DOP1A: variants seen among roughly 807,000 people sequenced by gnomAD.
DOP1A encodes the protein DOP1 leucine zipper like protein A.
A neutral mutation model predicts 267.6 loss-of-function variants in DOP1A; 90 were observed. That is an observed-to-expected ratio of 0.34 (90% CI 0.28 to 0.40). The LOEUF (loss-of-function observed/expected upper bound fraction) is 0.40. DOP1A is among the 10% of genes least tolerant of loss of function. The pLI, the probability that DOP1A is intolerant of heterozygous loss-of-function variation, is 1.00. For synonymous variants in DOP1A, 932 were observed against 999.1 expected, an observed-to-expected ratio of 0.93 and a Z score of 1.27; for missense variants, 2,437 against 2,900.4, an observed-to-expected ratio of 0.84 and a Z score of 3.67.
At chr6:83,085,893 A>G (rs1769127497) in intron 1 of DOP1A, among the ~76,000 whole-genome samples, 3 of 152,092 alleles carry the variant, frequency 2.0e-5, no homozygotes. Context: ...AAGGAATGAC[A>G]TAATGTGTCT....
rs541447629 is a variant in DOP1A at position 83,139,712 on chromosome 6, T to A, written c.5121-288T>A. 9.9e-5 allele frequency among the ~76,000 whole-genome samples: 15 copies of A among 152,262 alleles called. No individual in the cohort carries two copies. In the South Asian group the frequency reaches 3.1e-3, roughly 32 times the overall value. On this transcript the variant is annotated intron_variant, in intron 21 of 38. Transcript: ENST00000349129. ...TAATAAGAAAACTGCCTGTATTGTT[T>A]AATATTAATATGCCTGCCATTCCTC...
At chr6:83,075,513 A>G (rs1225270987) in intron 1 of DOP1A, among the ~76,000 whole-genome samples, 1 of 152,234 alleles carries the variant, frequency 6.6e-6, no homozygotes, top group Non-Finnish European at 1.5e-5. Flanking sequence ...AAGGATAAGT[A>G]GGTACTTGTC....
Position 83,119,787 on chromosome 6 carries a change from C to T in DOP1A, c.920C>T (p.Thr307Ile). The T allele has an allele frequency of 6.2e-7, 1 of 1,613,122 alleles. No homozygotes were observed. Among genetic ancestry groups the T allele is most frequent in the Non-Finnish European group, 8.5e-7 (1 of 1,179,252 alleles). The change falls in exon 9 of 39, where the codon ACA becomes ATA. Residue 307 changes from threonine to isoleucine, a missense_variant. This residue lies in a region of DOP1A where 498 missense variants were observed against 513.5 expected (regional missense o/e 0.97). Coordinates refer to ENST00000349129, the MANE Select transcript of DOP1A (RefSeq NM_015018.4). ...NNGAIIGPRS[T>I]RHSNPEEHAT... ...GGTGCTATCATAGGACCCAGAAGCACAAGACACAGTAATCCTGAAGAACAT... is the reference window on the plus strand; with the variant it reads ...GGTGCTATCATAGGACCCAGAAGCATAAGACACAGTAATCCTGAAGAACAT...
At chr6:83,076,243 G>A (rs748586133) in intron 1 of DOP1A, among the ~76,000 whole-genome samples, 2 of 152,204 alleles carry the variant, frequency 1.3e-5, no homozygotes, top group African/African-American at 2.4e-5. Context: ...AGATATTGAG[G>A]CCGGGTGTGG....
chr6:83,169,539 G>A, downstream of DOP1A: 1 of 560,294 alleles, frequency 1.8e-6, no homozygotes, highest in Non-Finnish European at 3.2e-6. Flanking sequence ...AATAAGGTAA[G>A]TTTTTAATCA....
At chr6:83,087,432 T>G in intron 1 of DOP1A, among the ~76,000 whole-genome samples, 1 of 151,922 alleles carries the variant, frequency 6.6e-6, no homozygotes, top group East Asian at 1.9e-4. Context: ...AAAAAAAACA[T>G]GTAGTTGAGT....
At chr6:83,085,246 C>G (rs1200918942) in intron 1 of DOP1A, among the ~76,000 whole-genome samples, 1 of 152,052 alleles carries the variant, frequency 6.6e-6, no homozygotes, top group African/African-American at 2.4e-5. Flanking sequence ...TATTTGAGGC[C>G]CTACTGTTTA....
Position 83,109,036 on chromosome 6 carries a change from T to C in DOP1A, c.447T>C (p.Thr149=), listed in dbSNP as rs1182538198. Residue 149 remains threonine (T), a synonymous_variant, in exon 5 of 39, where the codon ACT becomes ACC. Coordinates refer to ENST00000349129, the MANE Select transcript of DOP1A (RefSeq NM_015018.4). ...TLKPGLQGLL[T]GILPGLEEGS... ...AACCTGGTCTACAGGGATTGCTTAC[T>C]GGTATTCTTCCTGGCTTAGAAGAAG... 6.2e-7 allele frequency: 1 copy of C among 1,613,586 alleles called. No individual in the cohort carries two copies. Among genetic ancestry groups the C allele is most frequent in the East Asian group, 2.2e-5 (1 of 44,806 alleles).
intron 1 of DOP1A, among the ~76,000 whole-genome samples, chr6:83,089,798 G>A (rs1770000789): frequency 6.6e-6 from 1 of 152,140 alleles, no homozygotes; most frequent in Admixed American, 6.5e-5. Flanking sequence ...TGATGTAAAT[G>A]TTTGATATAA....
chr6:83,166,669 C>G, intron 38 of DOP1A: 14 of 1,258,766 alleles, frequency 1.1e-5, no homozygotes, highest in Non-Finnish European at 1.4e-5. Context: ...ACCGCAATTA[C>G]GTTTGCACCA....
chr6:83,098,419 G>C (rs2148012), intron 3 of DOP1A, among the ~76,000 whole-genome samples: 99,465 of 152,068 alleles, frequency 0.65, 33,982 homozygotes, highest in Middle Eastern at 0.79. Flanking sequence ...TATCTACCTG[G>C]AGATAGTATC....
chr6:83,153,485 A>G lies in DOP1A; in HGVS notation c.6130-26A>G, dbSNP rs771136555. ...TGATGTCAGTTTCACCTCATATGTT[A>G]CTCTTCATTTTTTATGTTTTCATAG... On this transcript the variant is annotated intron_variant, in intron 30 of 38. Coordinates refer to ENST00000349129, the MANE Select transcript of DOP1A (RefSeq NM_015018.4). 14 of 1,487,196 alleles carry G rather than the reference A, an allele frequency of 9.4e-6. No individual in the cohort carries two copies. The African/African-American group carries it at 1.6e-4, about 17-fold the overall frequency. 92.1% of individuals were successfully genotyped at this position (1,487,196 alleles called of 1,614,324 possible).
Position 83,110,176 on chromosome 6 carries a change from C to G in DOP1A, c.543C>G (p.Phe181Leu). Residue 181 changes from phenylalanine to leucine, a missense_variant, in exon 6 of 39, where the codon TTC becomes TTG. Around this residue, in one of 9 missense-constraint regions of DOP1A, gnomAD observed 251 missense variants for 359.1 expected, o/e 0.70. Transcript: ENST00000349129. ...KVAAAVDQSA[F>L]YSALWGSLLT... ...CTGCTGCTGTGGACCAGTCAGCATT[C>G]TACAGTGCCCTGTGGGGTAGTCTTC... The G allele has an allele frequency of 1.9e-6, 3 of 1,613,560 alleles. No individual in the cohort carries two copies. The highest frequency in any genetic ancestry group is 2.5e-6 in the Non-Finnish European group (3 of 1,179,726).
chr6:83,169,208 G>C, downstream of DOP1A: 1 of 1,613,242 alleles, frequency 6.2e-7, no homozygotes, highest in East Asian at 2.2e-5. Context: ...AAAAAGTCCA[G>C]TTTCTCAGGA....
Position 83,147,259 on chromosome 6 carries a change from C to T in DOP1A, c.5700C>T (p.Cys1900=). 1 of 1,495,304 alleles carries T rather than the reference C, an allele frequency of 6.7e-7. No homozygotes were observed. 92.6% of individuals were successfully genotyped at this position (1,495,304 alleles called of 1,614,324 possible). A position where few individuals can be genotyped will look rare whatever the true frequency, so the allele number is the denominator to read the frequency against. The stretch of plus-strand genomic sequence containing the variant: ...AGAAACATCTTTCTTTGGAAGTCTG[C>T]ATGCTTCAGTTTTTCTATGCTTATA... The part of the protein sequence containing the change: ...KDKKHLSLEV[C]MLQFFYAYIQ... The change falls in exon 26 of 39, where the codon TGC becomes TGT. Residue 1900 remains cysteine, a synonymous_variant. Coordinates refer to ENST00000349129, the MANE Select transcript of DOP1A (RefSeq NM_015018.4).
At chr6:83,117,824 C>T (rs777065349) in intron 7 of DOP1A, among the ~76,000 whole-genome samples, 1 of 152,164 alleles carries the variant, frequency 6.6e-6, no homozygotes, top group Non-Finnish European at 1.5e-5. Flanking sequence ...TTGTACAGAT[C>T]AATAGAAGGC....
chr6:83,132,772 T>C (rs1395840314), intron 18 of DOP1A, among the ~76,000 whole-genome samples: 3 of 152,174 alleles, frequency 2.0e-5, no homozygotes, highest in African/African-American at 7.2e-5. Flanking sequence ...TTTGTATTAT[T>C]ATACTGCATA....
rs780063516 is a variant in DOP1A at position 83,145,641 on chromosome 6, G to A, written c.5659G>A (p.Ala1887Thr). The change falls in exon 25 of 39, where the codon GCC (alanine) becomes ACC (threonine). Residue 1887 changes from alanine (A) to threonine (T), a missense_variant. By Grantham distance (58) the Ala-to-Thr change is moderately conservative (BLOSUM62 0). Around this residue, in one of 9 missense-constraint regions of DOP1A, gnomAD observed 307 missense variants for 308.6 expected, o/e 0.99. Coordinates refer to ENST00000349129, the MANE Select transcript of DOP1A (RefSeq NM_015018.4). ...TVKEVLKQPP[A>T]IAKDKKHLSL... is the part of the protein sequence containing the mutation. ...AAAAGAAGTTTTAAAGCAGCCACCA[G>A]CCATAGCCAAGGACAAGGTAAGAAA... is the stretch of plus-strand genomic sequence containing the variant. 2 of 1,613,238 alleles carry A rather than the reference G, an allele frequency of 1.2e-6. No homozygotes were observed. Among genetic ancestry groups the A allele is most frequent in the Non-Finnish European group, 1.7e-6 (2 of 1,179,638 alleles).
At chr6:83,136,935 G>T (rs1280785601) in intron 20 of DOP1A, among the ~76,000 whole-genome samples, 1 of 152,044 alleles carries the variant, frequency 6.6e-6, no homozygotes, top group Non-Finnish European at 1.5e-5. Context: ...TTATGTATTT[G>T]TGGTTTGCTG....
Sources: gnomAD v4.1 joint callset for allele counts (sites outside exome capture counted in the v4.1 genomes callset) on GRCh38, gnomAD v4.1.1 for gene constraint, gnomAD v4.1.1 regional missense constraint, MANE v1.5 for transcripts, NCBI Gene and HGNC (gene_info 2026-07-23, HGNC 2026-07-21) for gene names.